The following HTRA1 variants were observed in gnomAD, a reference collection of about 807,000 sequenced individuals.
HTRA1 encodes the protein serine protease HTRA1.
Under a neutral mutation model 49.7 loss-of-function variants are expected in HTRA1, and 26 were observed. The ratio of observed to expected loss-of-function variants is 0.52; its 90% CI spans 0.38 to 0.73. The LOEUF (loss-of-function observed/expected upper bound fraction) is 0.73. Among genes scored for constraint, HTRA1 ranks in the 30% least tolerant of loss-of-function variants. The pLI is 0.00. For synonymous variants in HTRA1, 291 were observed against 286.9 expected, an observed-to-expected ratio of 1.01 and a Z score of -0.14; for missense variants, 561 against 667.2, an observed-to-expected ratio of 0.84 and a Z score of 1.75.
intron 3 of HTRA1, among the ~76,000 whole-genome samples, chr10:122,492,085 G>GC (rs2133440229): frequency 6.6e-6 from 1 of 152,258 alleles, no homozygotes; most frequent in Admixed American, 6.5e-5. Context: ...AACCGAGAAG[G>GC]CAGAACAGAA....
rs926053743 is a variant in HTRA1 at position 122,464,940 on chromosome 10, A to G, written c.472+2816A>G. ...GATCTGGAGACAGAGCTCTCGAGGC[A>G]GGAGCGGGTGCTGCGATTTCAAATA... On this transcript the variant is annotated intron_variant, in intron 1 of 8. Transcript: ENST00000368984. This position sits in a 1 kb window ranked among gnomAD's most constrained non-coding sequence, Gnocchi z 4.8. 9.9e-5 allele frequency among the ~76,000 whole-genome samples: 15 copies of G among 152,206 alleles called. No individual in the cohort carries two copies. Among genetic ancestry groups the G allele is most frequent in the African/African-American group, 3.4e-4 (14 of 41,454 alleles).
At chr10:122,477,061 A>G (rs981896634) in intron 1 of HTRA1, among the ~76,000 whole-genome samples, 1 of 143,338 alleles carries the variant, frequency 7.0e-6, no homozygotes, top group African/African-American at 2.6e-5. Context: ...TCCGCCTTCC[A>G]GGTTCACGCC....
In HTRA1 at chr10:122,464,635, C is replaced by T. The variant is rs973977657; in HGVS notation, c.472+2511C>T. ...TAGTGGAAGGCACTGCTTTGCTGCG[C>T]CCCCTCTCTGGATCTCACACTCCAC... On this transcript the variant is annotated intron_variant, in intron 1 of 8. Coordinates refer to ENST00000368984, the MANE Select transcript of HTRA1 (RefSeq NM_002775.5). This position sits in a 1 kb window ranked among gnomAD's most constrained non-coding sequence, Gnocchi z 4.8. Among the ~76,000 whole-genome samples the T allele has an allele frequency of 8.5e-5, 13 of 152,196 alleles. No individual in the cohort carries two copies. The highest frequency in any genetic ancestry group is 5.9e-5 in the Non-Finnish European group (4 of 68,032).
chr10:122,474,542 G>A (rs1157954962), intron 1 of HTRA1, among the ~76,000 whole-genome samples: 1 of 152,226 alleles, frequency 6.6e-6, no homozygotes, highest in Non-Finnish European at 1.5e-5. Context: ...GAGGCTGGAG[G>A]GCTAGGGAGA....
At chr10:122,500,124 A>G (rs1170952640) in intron 3 of HTRA1, among the ~76,000 whole-genome samples, 1 of 152,222 alleles carries the variant, frequency 6.6e-6, no homozygotes. Flanking sequence ...CTCAAGTGCT[A>G]CTAGGCAGAA....
chr10:122,475,447 C>T (rs1468411246), intron 1 of HTRA1, among the ~76,000 whole-genome samples: 1 of 152,236 alleles, frequency 6.6e-6, no homozygotes, highest in Non-Finnish European at 1.5e-5. Flanking sequence ...CGAAACTCTC[C>T]TGAATTTCAT....
chr10:122,494,649 C>T lies in HTRA1; in HGVS notation c.777+5023C>T, dbSNP rs183516746. The stretch of plus-strand genomic sequence containing the variant: ...TCCCTCCCCTGTAGGCCTGCGCCAC[C>T]CCCCCAACCCCACGGCCACCTTTGG... On this transcript the variant is annotated intron_variant, in intron 3 of 8. Transcript: ENST00000368984. The surrounding 1 kb of genome is among the most constrained non-coding windows in gnomAD (Gnocchi z 4.0). 1.3e-5 allele frequency among the ~76,000 whole-genome samples: 2 copies of T among 152,252 alleles called. No homozygotes were observed. The highest frequency in any genetic ancestry group is 4.8e-5 in the African/African-American group (2 of 41,554).
chr10:122,508,549 C>T (rs977530168), intron 5 of HTRA1, 107 bp from the exon 6 acceptor site: 18 of 823,952 alleles, frequency 2.2e-5, no homozygotes, highest in South Asian at 1.1e-4. Context: ...CTCCCCACTT[C>T]GATCTCTGAA....
chr10:122,479,403 G>GT (rs904131925), intron 1 of HTRA1, among the ~76,000 whole-genome samples: 4 of 152,094 alleles, frequency 2.6e-5, no homozygotes, highest in Non-Finnish European at 4.4e-5. Flanking sequence ...TCTGATCCTT[G>GT]TTTTTTTCAT....
At chr10:122,502,761 G>C (rs2097501474) in intron 3 of HTRA1, among the ~76,000 whole-genome samples, 2 of 152,156 alleles carry the variant, frequency 1.3e-5, no homozygotes, top group Admixed American at 1.3e-4. Flanking sequence ...CAAAGGTTTT[G>C]CACCAAACTT....
chr10:122,462,589 G>A (rs7915081), intron 1 of HTRA1, among the ~76,000 whole-genome samples: 1 of 152,184 alleles, frequency 6.6e-6, no homozygotes, highest in Non-Finnish European at 1.5e-5. Flanking sequence ...TCACTGCTTT[G>A]ATCACGGGAC....
At position 122,462,003 on chromosome 10, in the gene HTRA1, G is replaced by T. The variant is rs765344403; in HGVS notation, c.351G>T (p.Pro117=). The T allele has an allele frequency of 3.8e-5, 58 of 1,528,290 alleles. 1 individual carries two copies. In the South Asian group the frequency reaches 5.0e-4, roughly 13 times the overall value. The allele number at this position is 1,528,290 out of a possible 1,614,324, so 94.7% of individuals were successfully genotyped here. Residue 117 remains proline (P), a synonymous_variant, in exon 1 of 9, where the codon CCG becomes CCT. Coordinates refer to ENST00000368984, the MANE Select transcript of HTRA1 (RefSeq NM_002775.5). Reference sequence around the variant, plus strand: ...TCTGTGTGTGCGCCAGCAGCGAGCCGGTGTGCGGCAGCGACGCCAACACCT... The same window carrying T: ...TCTGTGTGTGCGCCAGCAGCGAGCCTGTGTGCGGCAGCGACGCCAACACCT... ...AGLCVCASSE[P]VCGSDANTYA...
intron 1 of HTRA1, 26 bp downstream of exon 1, chr10:122,462,150 T>C: frequency 1.3e-6 from 2 of 1,502,098 alleles, no homozygotes; most frequent in Non-Finnish European, 1.8e-6. Flanking sequence ...CCTGGGCAGC[T>C]CCCCACTCTC....
intron 1 of HTRA1, among the ~76,000 whole-genome samples, chr10:122,478,561 T>G (rs1384048283): frequency 6.6e-6 from 1 of 151,748 alleles, no homozygotes; most frequent in East Asian, 1.9e-4. Flanking sequence ...CCTGGCTAAT[T>G]TTTTGTATTT....
At position 122,490,740 on chromosome 10, in the gene HTRA1, C is replaced by T. The variant is rs1408761922; in HGVS notation, c.777+1114C>T. 6.6e-6 allele frequency among the ~76,000 whole-genome samples: 1 copy of T among 152,150 alleles called. No individual in the cohort carries two copies. The highest frequency in any genetic ancestry group is 1.5e-5 in the Non-Finnish European group (1 of 68,042). On this transcript the variant is annotated intron_variant, in intron 3 of 8. Coordinates refer to ENST00000368984, the MANE Select transcript of HTRA1 (RefSeq NM_002775.5). The surrounding 1 kb of genome is among the most constrained non-coding windows in gnomAD (Gnocchi z 4.2). Reference sequence around the variant, plus strand: ...AATTAATCTGGCTGTTTGTGCTGTTCAGTGGCACGCTGGTTACACCTCCTT... The same window carrying T: ...AATTAATCTGGCTGTTTGTGCTGTTTAGTGGCACGCTGGTTACACCTCCTT...
intron 1 of HTRA1, 82 bp downstream of exon 1, chr10:122,462,206 G>A (rs2133905649): frequency 8.2e-7 from 1 of 1,212,566 alleles, no homozygotes; most frequent in South Asian, 1.3e-5. Context: ...TGGGCAGGTT[G>A]AGGGGCAGCG....
chr10:122,485,951 C>G (rs539000546), intron 1 of HTRA1, among the ~76,000 whole-genome samples: 68 of 152,338 alleles, frequency 4.5e-4, no homozygotes, highest in African/African-American at 1.6e-3. Context: ...TTGTTTACAG[C>G]TGTCTGGTGA....
At chr10:122,472,443 C>A (rs1179129178) in intron 1 of HTRA1, among the ~76,000 whole-genome samples, 1 of 150,938 alleles carries the variant, frequency 6.6e-6, no homozygotes, top group South Asian at 2.1e-4. Context: ...ATCACCCAGG[C>A]TGGAGTAAGG....
intron 6 of HTRA1, 57 bp from the exon 7 acceptor site, chr10:122,510,039 C>A (rs878882316): frequency 6.8e-7 from 1 of 1,479,664 alleles, no homozygotes; most frequent in South Asian, 1.1e-5. Flanking sequence ...CCCCTGGTGT[C>A]CCCAGCACCC....
Sources: allele counts gnomAD v4.1 joint callset (sites outside exome capture counted in the v4.1 genomes callset), GRCh38; gene constraint gnomAD v4.1.1; non-coding constraint Gnocchi (gnomAD v3.1); transcripts MANE v1.5; gene names NCBI Gene and HGNC (gene_info 2026-07-23, HGNC 2026-07-21).